Variants in RXRA observed in about 807,000 individuals in gnomAD.
The protein encoded by RXRA is retinoic acid receptor RXR-alpha.
In RXRA, 5 loss-of-function variants were observed where a neutral mutation model predicts 44.5. The observed-to-expected ratio is 0.11, with a 90% CI of 0.06 to 0.24. The LOEUF (loss-of-function observed/expected upper bound fraction) is 0.24. Among genes scored for constraint, RXRA ranks in the 10% least tolerant of loss-of-function variants. The pLI, the probability that RXRA is intolerant of heterozygous loss-of-function variation, is 1.00. For missense variants in RXRA, 412 were observed against 646.5 expected (o/e 0.64, Z 3.93); for synonymous variants, 291 against 271.4 (o/e 1.07, Z -0.71).
intron 7 of RXRA, among the ~76,000 whole-genome samples, chr9:134,430,273 C>T (rs756179831): frequency 4.6e-5 from 7 of 152,260 alleles, no homozygotes; most frequent in Admixed American, 6.5e-5. Flanking sequence ...TCAGCTGGAG[C>T]GGGAAGGCTG....
rs1831712857 is a variant in RXRA at position 134,440,341 on chromosome 9, G to C, written c.*3727G>C. On this transcript the variant is annotated 3_prime_UTR_variant, in exon 10 of 10. Transcript: ENST00000481739. ...GAGGGTGGGCCTGAGGCTTTCAAGG[G>C]TTTTCTTCCCTTTCGAGTAATTTTT... 6.6e-6 allele frequency: 1 copy of C among 152,386 alleles called. No individual in the cohort carries two copies. Among genetic ancestry groups the C allele is most frequent in the African/African-American group, 2.4e-5 (1 of 41,410 alleles). The allele number at this position is 152,386 out of a possible 1,614,324, so 9.4% of individuals were successfully genotyped here.
At chr9:134,327,459 C>A (rs1554746183) in intron 1 of RXRA, among the ~76,000 whole-genome samples, 1 of 152,022 alleles carries the variant, frequency 6.6e-6, no homozygotes, top group Non-Finnish European at 1.5e-5. Flanking sequence ...GGGCCCCCAC[C>A]CATTGCCCTC....
At chr9:134,329,633 G>A (rs1212907385) in intron 1 of RXRA, among the ~76,000 whole-genome samples, 2 of 152,092 alleles carry the variant, frequency 1.3e-5, no homozygotes, top group African/African-American at 4.8e-5. Flanking sequence ...GGTTGAGCCG[G>A]CAGCCCTGGT....
chr9:134,397,123 G>A (rs1348933143), intron 1 of RXRA, among the ~76,000 whole-genome samples: 3 of 152,210 alleles, frequency 2.0e-5, no homozygotes, highest in East Asian at 1.9e-4. Flanking sequence ...ACTGGTGAGC[G>A]TTCTGGAGGG....
At chr9:134,388,168 A>G (rs1830747757) in intron 1 of RXRA, among the ~76,000 whole-genome samples, 1 of 149,252 alleles carries the variant, frequency 6.7e-6, no homozygotes, top group African/African-American at 2.4e-5. Flanking sequence ...AGTTACTTTT[A>G]TGCAGAAAAT....
Position 134,431,877 on chromosome 9 carries a change from A to T in RXRA, c.1044-28A>T, listed in dbSNP as rs184379472. On this transcript the variant is annotated intron_variant, in intron 7 of 9. Transcript: ENST00000481739. ...TGGTGAGGGCTGCGACCTAACTGGG[A>T]TGGGGTGTCTGCCCTCCTCCTCTGC... 5,069 of 1,569,644 alleles carry T rather than the reference A, an allele frequency of 3.2e-3. 8 individuals carry two copies. The highest frequency in any genetic ancestry group is 6.7e-3 in the Admixed American group (403 of 59,848).
intron 9 of RXRA, among the ~76,000 whole-genome samples, chr9:134,435,588 C>T (rs907056152): frequency 4.6e-5 from 7 of 152,198 alleles, no homozygotes; most frequent in African/African-American, 1.4e-4. Context: ...GGGAGGCACT[C>T]ATGGGGTGCT....
intron 1 of RXRA, among the ~76,000 whole-genome samples, chr9:134,372,533 G>C (rs962034537): frequency 2.6e-5 from 4 of 150,988 alleles, no homozygotes; most frequent in Admixed American, 1.4e-4. Context: ...ACGGCTTAGA[G>C]GGCATCACGG....
rs575276108 is a variant in RXRA, at chr9:134,348,944, T to A, written c.28+22285T>A. Among the ~76,000 whole-genome samples, 266 of 152,346 alleles carry A rather than the reference T, an allele frequency of 1.7e-3. 1 individual carries two copies. Among genetic ancestry groups the A allele is most frequent in the African/African-American group, 6.1e-3 (255 of 41,590 alleles). ...CTTTGGACACCAGCTCTGTACCACC[T>A]GAGTGCCAACCGTGGCGTTGCGCCA... On this transcript the variant is annotated intron_variant, in intron 1 of 9. Coordinates refer to ENST00000481739, the MANE Select transcript of RXRA (RefSeq NM_002957.6).
intron 4 of RXRA, among the ~76,000 whole-genome samples, chr9:134,413,355 GTGTC>G (rs991710380): frequency 2.0e-5 from 3 of 151,614 alleles, no homozygotes; most frequent in African/African-American, 4.8e-5. Context: ...ATGTCTCTGT[GTGTC>G]TGTGTGTGTA....
chr9:134,424,687 CTG>C, intron 6 of RXRA: 1 of 985,476 alleles, frequency 1.0e-6, no homozygotes, highest in South Asian at 4.7e-5. Context: ...ATGTGGAACA[CTG>C]GAGTTTGAAG....
chr9:134,346,468 G>C (rs556535603), intron 1 of RXRA, among the ~76,000 whole-genome samples: 67 of 152,282 alleles, frequency 4.4e-4, no homozygotes, highest in African/African-American at 1.6e-3. Flanking sequence ...AGCTGGTTCT[G>C]CTTGTTCCTT....
rs1408520513 is a variant in RXRA at position 134,406,993 on chromosome 9, A to AC, written c.280-1151dup. ...GCTTCTCCAGTGGGAGCTTCATGGC[A>AC]CCCCCACTGTGCTGAGTTGTCACGG... On this transcript the variant is annotated intron_variant, in intron 2 of 9. Transcript: ENST00000481739. Among the ~76,000 whole-genome samples the AC allele has an allele frequency of 3.3e-5, 5 of 151,676 alleles. No homozygotes were observed. In the East Asian group the frequency reaches 7.8e-4, roughly 24 times the overall value.
intron 1 of RXRA, among the ~76,000 whole-genome samples, chr9:134,378,206 G>C (rs574773069): frequency 1.3e-5 from 2 of 152,370 alleles, no homozygotes; most frequent in South Asian, 4.1e-4. Context: ...GGCCACCCCG[G>C]CTGCTTCCTG....
rs543741559 is a variant in RXRA, at chr9:134,367,577, T to C, written c.29-34055T>C. On this transcript the variant is annotated intron_variant, in intron 1 of 9. Coordinates refer to ENST00000481739, the MANE Select transcript of RXRA (RefSeq NM_002957.6). ...GACAGGATGTGAAACCCCCGGCTCC[T>C]GGCCCCTCGGCCAAGCTGTCGGTGC... Among the ~76,000 whole-genome samples the C allele has an allele frequency of 2.0e-5, 3 of 152,334 alleles. No homozygotes were observed. The South Asian group carries it at 6.2e-4, about 32-fold the overall frequency.
At chr9:134,387,031 G>A (rs1437592538) in intron 1 of RXRA, among the ~76,000 whole-genome samples, 2 of 152,214 alleles carry the variant, frequency 1.3e-5, no homozygotes, top group Non-Finnish European at 2.9e-5. Flanking sequence ...GGGCTTAAGC[G>A]GCCAGACTGC....
intron 6 of RXRA, chr9:134,424,348 T>C: frequency 1.0e-6 from 1 of 985,360 alleles, no homozygotes; most frequent in Non-Finnish European, 1.2e-6. Flanking sequence ...CCAGCGGCTC[T>C]TTCCGGGAGA....
At position 134,417,127 on chromosome 9, in the gene RXRA, G is replaced by A. The variant is rs552023526; in HGVS notation, c.611-31G>A. ...CTGGGAGCCACTGGCCGGGCTGAGCGTGGGGCTCACCTGCGCCTCCCGGGT... is the reference window on the plus strand; with the variant it reads ...CTGGGAGCCACTGGCCGGGCTGAGCATGGGGCTCACCTGCGCCTCCCGGGT... On this transcript the variant is annotated intron_variant, in intron 4 of 9. Transcript: ENST00000481739. The surrounding 1 kb of genome is among the most constrained non-coding windows in gnomAD (Gnocchi z 6.1). The A allele has an allele frequency of 1.1e-5, 18 of 1,595,794 alleles. No individual in the cohort carries two copies. The highest frequency in any genetic ancestry group is 1.4e-5 in the Non-Finnish European group (17 of 1,172,814).
At chr9:134,350,222 T>TG (rs1338369271) in intron 1 of RXRA, among the ~76,000 whole-genome samples, 17 of 151,242 alleles carry the variant, frequency 1.1e-4, no homozygotes, top group Admixed American at 7.9e-4. Flanking sequence ...TGGAAACCAC[T>TG]GGGGGAGGGA....
Sources: gnomAD v4.1 joint callset for allele counts (sites outside exome capture counted in the v4.1 genomes callset) on GRCh38, gnomAD v4.1.1 for gene constraint, Gnocchi (gnomAD v3.1) non-coding constraint, MANE v1.5 for transcripts, NCBI Gene and HGNC (gene_info 2026-07-23, HGNC 2026-07-21) for gene names.